AKAP6: variants seen among roughly 807,000 people sequenced by gnomAD.
AKAP6 encodes the protein A-kinase anchoring protein 6, also known as A-kinase anchor protein 6.
AKAP6 carries 58 observed loss-of-function variants against 188.5 expected under a neutral mutation model. That is an observed-to-expected ratio of 0.31 (90% confidence interval 0.25 to 0.38). The LOEUF (loss-of-function observed/expected upper bound fraction) is 0.38, where lower values mean the gene tolerates loss of function less well. Ranked by LOEUF, AKAP6 falls within the 10% of genes least tolerant of loss-of-function variation. The pLI is 1.00. For synonymous variants in AKAP6, 989 were observed against 998.6 expected, an observed-to-expected ratio of 0.99 and a Z score of 0.18; for missense variants, 2,710 against 2,740.0, an observed-to-expected ratio of 0.99 and a Z score of 0.24.
At chr14:32,626,352 C>T (rs1047652404) in intron 7 of AKAP6, among the ~76,000 whole-genome samples, 10 of 152,028 alleles carry the variant, frequency 6.6e-5, no homozygotes, top group African/African-American at 2.4e-4. Context: ...TGGCTCTCAG[C>T]TTCAATTTTC....
intron 7 of AKAP6, among the ~76,000 whole-genome samples, chr14:32,624,197 G>A (rs1886923664): frequency 6.6e-6 from 1 of 152,152 alleles, no homozygotes; most frequent in African/African-American, 2.4e-5. Flanking sequence ...CACAATTGCT[G>A]AGAGTATTAG....
At chr14:32,549,471 A>G (rs1265498402) in intron 4 of AKAP6, among the ~76,000 whole-genome samples, 1 of 152,308 alleles carries the variant, frequency 6.6e-6, no homozygotes, top group East Asian at 1.9e-4. Context: ...TATGGGGTAC[A>G]AAGAGAGCTG....
chr14:32,821,895 G>A lies in AKAP6; in HGVS notation c.4082G>A (p.Gly1361Asp), dbSNP rs1405601715. The stretch of plus-strand genomic sequence containing the variant: ...GGAGGAGACATGAGCCAGAATTCAG[G>A]CAGTGAGAGTGGAATTGTCAGTGAA... The part of the protein sequence containing the change: ...CHGGDMSQNS[G>D]SESGIVSEGD... Residue 1361 changes from glycine to aspartate, a missense_variant, in exon 13 of 14, where the codon GGC becomes GAC. Transcript: ENST00000280979. 1 of 1,613,908 alleles carries A rather than the reference G, an allele frequency of 6.2e-7. No homozygotes were observed. Among genetic ancestry groups the A allele is most frequent in the South Asian group, 1.1e-5 (1 of 91,068 alleles).
At chr14:32,409,223 GA>G (rs1889399096) in intron 1 of AKAP6, among the ~76,000 whole-genome samples, 1 of 151,822 alleles carries the variant, frequency 6.6e-6, no homozygotes, top group Non-Finnish European at 1.5e-5. Context: ...AAACAAAAAA[GA>G]TTAGCATATG....
intron 9 of AKAP6, among the ~76,000 whole-genome samples, chr14:32,696,494 A>T (rs1322273158): frequency 6.6e-6 from 1 of 152,192 alleles, no homozygotes; most frequent in Admixed American, 6.5e-5. Context: ...TACCCCTCAG[A>T]TCTTCCCAGG....
At chr14:32,398,937 C>T (rs768647288) in intron 1 of AKAP6, among the ~76,000 whole-genome samples, 3 of 149,846 alleles carry the variant, frequency 2.0e-5, no homozygotes, top group Non-Finnish European at 3.0e-5. Context: ...CTGCAACCTC[C>T]GCCTCCTGGG....
At chr14:32,803,475 G>A (rs368397083) in intron 12 of AKAP6, among the ~76,000 whole-genome samples, 40 of 152,178 alleles carry the variant, frequency 2.6e-4, no homozygotes, top group African/African-American at 9.4e-4. Context: ...ATTGTAAAAT[G>A]CATCGTTTTA....
chr14:32,360,371 T>C (rs1887618009), intron 1 of AKAP6, among the ~76,000 whole-genome samples: 1 of 152,054 alleles, frequency 6.6e-6, no homozygotes, highest in Admixed American at 6.6e-5. Context: ...CAGGGATCCG[T>C]CCGCCTTGGC....
At chr14:32,487,917 C>T (rs1460040989) in intron 2 of AKAP6, among the ~76,000 whole-genome samples, 3 of 152,180 alleles carry the variant, frequency 2.0e-5, no homozygotes, top group East Asian at 1.9e-4. Flanking sequence ...CTGGAAGCTT[C>T]GTCCCAGAGG....
chr14:32,562,080 T>C lies in AKAP6; in HGVS notation c.2347-15040T>C, dbSNP rs574049904. Among the ~76,000 whole-genome samples, 11 of 152,304 alleles carry C rather than the reference T, an allele frequency of 7.2e-5. No homozygotes were observed. In the East Asian group the frequency reaches 1.7e-3, roughly 24 times the overall value. ...TCCAGGAAAGGTGCTGCCTGTAATA[T>C]CTGCTTCATACGCTTTCCATTCTCA... On this transcript the variant is annotated intron_variant, in intron 4 of 13. Transcript: ENST00000280979.
At chr14:32,452,308 A>G (rs1034628627) in intron 2 of AKAP6, among the ~76,000 whole-genome samples, 1 of 152,178 alleles carries the variant, frequency 6.6e-6, no homozygotes, top group African/African-American at 2.4e-5. Context: ...TGCTGGGATT[A>G]CAGGTGTGGG....
At chr14:32,480,100 G>T (rs749175503) in intron 2 of AKAP6, among the ~76,000 whole-genome samples, 1 of 152,158 alleles carries the variant, frequency 6.6e-6, no homozygotes. Flanking sequence ...GTTGGGGTTT[G>T]TGTCTCTTAC....
intron 2 of AKAP6, among the ~76,000 whole-genome samples, chr14:32,466,845 A>ATATT (rs1555331130): frequency 6.9e-6 from 1 of 144,222 alleles, no homozygotes; most frequent in African/African-American, 2.6e-5. Flanking sequence ...ATATATATAT[A>ATATT]TTTTCTTTCT....
chr14:32,449,685 G>T (rs915802794), intron 2 of AKAP6, among the ~76,000 whole-genome samples: 2 of 152,174 alleles, frequency 1.3e-5, no homozygotes, highest in Non-Finnish European at 2.9e-5. Flanking sequence ...CATATGGCCT[G>T]AGGACTGATA....
At chr14:32,400,553 C>A in intron 1 of AKAP6, among the ~76,000 whole-genome samples, 1 of 2,646 alleles carries the variant, frequency 3.8e-4, no homozygotes, top group Non-Finnish European at 4.6e-3. Flanking sequence ...GATATTTAGT[C>A]CACTTTTAGC....
chr14:32,658,131 A>G lies in AKAP6; in HGVS notation c.2731-20180A>G, dbSNP rs948659588. On this transcript the variant is annotated intron_variant, in intron 7 of 13. Transcript: ENST00000280979. The stretch of plus-strand genomic sequence containing the variant: ...TCTTTGATCCCTGAGAAAGATAAGA[A>G]GAGGTTAGGAGGTAGATGGTCACAT... Among the ~76,000 whole-genome samples the G allele has an allele frequency of 2.0e-5, 3 of 152,086 alleles. No homozygotes were observed. The East Asian group carries it at 5.8e-4, about 29-fold the overall frequency.
At position 32,444,373 on chromosome 14, in the gene AKAP6, T is replaced by C. The variant is rs536617051; in HGVS notation, c.324+10556T>C. Among the ~76,000 whole-genome samples the C allele has an allele frequency of 3.3e-5, 5 of 152,322 alleles. No homozygotes were observed. The East Asian group carries it at 5.8e-4, about 18-fold the overall frequency. On this transcript the variant is annotated intron_variant, in intron 2 of 13. Transcript: ENST00000280979. Reference sequence around the variant, plus strand: ...TCTCGTCACGCTCAAACTGAACTTATATGTCTCTTGTCACTTGGTATTAGG... The same window carrying C: ...TCTCGTCACGCTCAAACTGAACTTACATGTCTCTTGTCACTTGGTATTAGG...
intron 9 of AKAP6, among the ~76,000 whole-genome samples, chr14:32,701,409 G>C (rs1890615580): frequency 6.6e-6 from 1 of 151,968 alleles, no homozygotes; most frequent in East Asian, 1.9e-4. Flanking sequence ...CTTTCTATAA[G>C]AAAAAGAGAT....
chr14:32,538,718 T>C (rs1882793290), intron 3 of AKAP6, among the ~76,000 whole-genome samples: 2 of 152,156 alleles, frequency 1.3e-5, no homozygotes, highest in Non-Finnish European at 2.9e-5. Flanking sequence ...ATTTGTTTCA[T>C]TTAGGAAGGA....
Sources: allele counts gnomAD v4.1 joint callset (sites outside exome capture counted in the v4.1 genomes callset), GRCh38; gene constraint gnomAD v4.1.1; transcripts MANE v1.5; gene names NCBI Gene and HGNC (gene_info 2026-07-23, HGNC 2026-07-21).